GALNTL6: variants seen among roughly 807,000 people sequenced by gnomAD.
GALNTL6 encodes the protein polypeptide N-acetylgalactosaminyltransferase like 6.
In GALNTL6, 46 loss-of-function variants were observed where a neutral mutation model predicts 73.7. That is an observed-to-expected ratio of 0.62 (90% CI 0.49 to 0.80). The LOEUF is 0.80. GALNTL6 is among the 30% of genes least tolerant of loss of function. The probability of loss-of-function intolerance (pLI) is 0.00; values close to 1 mark genes in which losing one functional copy is unlikely to be tolerated. For synonymous variants in GALNTL6, 259 were observed against 263.7 expected (o/e 0.98, Z 0.17); for missense variants, 604 against 755.0 (o/e 0.80, Z 2.34).
At chr4:172,250,742 C>T (rs1737832986) in intron 3 of GALNTL6, among the ~76,000 whole-genome samples, 1 of 152,124 alleles carries the variant, frequency 6.6e-6, no homozygotes, top group Non-Finnish European at 1.5e-5. Context: ...ATAAATTACC[C>T]AGTCTCAGGT....
Position 172,029,493 on chromosome 4 carries a change from T to C in GALNTL6, c.139-200163T>C, listed in dbSNP as rs1180667976. Among the ~76,000 whole-genome samples the C allele has an allele frequency of 5.3e-5, 8 of 152,180 alleles. No homozygotes were observed. In the South Asian group the frequency reaches 1.2e-3, roughly 24 times the overall value. ...GCTACAAATTCCCTCACAATTTCATTTTCTATACTTTAAAAGTAGAATCAC... is the reference window on the plus strand; with the variant it reads ...GCTACAAATTCCCTCACAATTTCATCTTCTATACTTTAAAAGTAGAATCAC... On this transcript the variant is annotated intron_variant, in intron 2 of 12. Transcript: ENST00000506823.
intron 9 of GALNTL6, among the ~76,000 whole-genome samples, chr4:172,939,927 G>A (rs561581820): frequency 4.6e-5 from 7 of 152,024 alleles, no homozygotes; most frequent in African/African-American, 7.2e-5. Context: ...TAACCCGATG[G>A]CATCAGAATT....
chr4:172,477,066 C>T (rs1023629042), intron 5 of GALNTL6, among the ~76,000 whole-genome samples: 4 of 151,312 alleles, frequency 2.6e-5, no homozygotes, highest in Non-Finnish European at 2.9e-5. Context: ...GGACTACAGG[C>T]GCCCGCCACC....
chr4:172,763,959 T>C (rs1738256478), intron 5 of GALNTL6, among the ~76,000 whole-genome samples: 1 of 812 alleles, frequency 1.2e-3, no homozygotes, highest in South Asian at 0.014. Flanking sequence ...ACAAGGTGTA[T>C]TTTTTTTTTT....
chr4:172,059,097 G>A (rs1731115430), intron 2 of GALNTL6, among the ~76,000 whole-genome samples: 1 of 152,190 alleles, frequency 6.6e-6, no homozygotes, highest in South Asian at 2.1e-4. Flanking sequence ...GCTTGTGCAA[G>A]TAAGCAGATT....
chr4:172,959,336 T>C (rs1749922120), intron 10 of GALNTL6, among the ~76,000 whole-genome samples: 2 of 152,110 alleles, frequency 1.3e-5, no homozygotes, highest in South Asian at 4.1e-4. Context: ...TTAAAATGTC[T>C]GGACCTAATA....
intron 5 of GALNTL6, among the ~76,000 whole-genome samples, chr4:172,444,514 A>G (rs1731949627): frequency 6.6e-6 from 1 of 152,156 alleles, no homozygotes; most frequent in Non-Finnish European, 1.5e-5. Flanking sequence ...ATGTAGTTTG[A>G]AGCTATAAAA....
At chr4:172,704,330 T>C (rs1010529102) in intron 5 of GALNTL6, among the ~76,000 whole-genome samples, 7 of 152,028 alleles carry the variant, frequency 4.6e-5, no homozygotes, top group Admixed American at 3.9e-4. Flanking sequence ...CATTTCTTGC[T>C]ATAAACTTCT....
At chr4:172,364,345 A>G (rs1474144340) in intron 5 of GALNTL6, among the ~76,000 whole-genome samples, 1 of 152,102 alleles carries the variant, frequency 6.6e-6, no homozygotes, top group Non-Finnish European at 1.5e-5. Context: ...TTGAGCTTAG[A>G]ATTTTGAGGT....
chr4:172,656,907 G>A (rs1731057088), intron 5 of GALNTL6, among the ~76,000 whole-genome samples: 1 of 149,232 alleles, frequency 6.7e-6, no homozygotes, highest in Non-Finnish European at 1.5e-5. Context: ...CAATATTATT[G>A]AGTTAAATGA....
At chr4:171,892,109 T>C (rs1450228264) in intron 2 of GALNTL6, among the ~76,000 whole-genome samples, 1 of 152,208 alleles carries the variant, frequency 6.6e-6, no homozygotes, top group Non-Finnish European at 1.5e-5. Flanking sequence ...CATCAGGCTA[T>C]TTGTGTAAGG....
intron 4 of GALNTL6, among the ~76,000 whole-genome samples, chr4:172,323,427 T>C (rs1361107857): frequency 6.6e-6 from 1 of 152,144 alleles, no homozygotes; most frequent in East Asian, 1.9e-4. Flanking sequence ...ACTATGTAAA[T>C]TGGTGCTTGG....
At chr4:172,689,700 G>T (rs915842438) in intron 5 of GALNTL6, among the ~76,000 whole-genome samples, 11 of 152,076 alleles carry the variant, frequency 7.2e-5, no homozygotes, top group Admixed American at 1.3e-4. Flanking sequence ...GATGCTTCTT[G>T]CCCTGTCTCT....
At chr4:172,630,816 TA>T (rs1428242386) in intron 5 of GALNTL6, among the ~76,000 whole-genome samples, 2 of 150,110 alleles carry the variant, frequency 1.3e-5, no homozygotes, top group Non-Finnish European at 3.0e-5. Flanking sequence ...TCTAATTATA[TA>T]AAAACAAGAT....
At chr4:172,750,893 A>C (rs1357486233) in intron 5 of GALNTL6, among the ~76,000 whole-genome samples, 1 of 152,070 alleles carries the variant, frequency 6.6e-6, no homozygotes, top group Non-Finnish European at 1.5e-5. Context: ...TCTGCTGGCA[A>C]CACATTCTTT....
At chr4:172,940,446 T>C (rs1296071560) in intron 9 of GALNTL6, among the ~76,000 whole-genome samples, 4 of 151,984 alleles carry the variant, frequency 2.6e-5, no homozygotes, top group South Asian at 2.1e-4. Flanking sequence ...CACTGCAACC[T>C]CTGCCTCTGG....
intron 5 of GALNTL6, among the ~76,000 whole-genome samples, chr4:172,730,863 G>A (rs556308134): frequency 9.2e-5 from 14 of 152,052 alleles, no homozygotes; most frequent in Middle Eastern, 3.4e-3. Context: ...GGCGGATCAC[G>A]AGGTCAGGAG....
chr4:173,009,186 T>C lies in GALNTL6; in HGVS notation c.1380T>C (p.Asn460=). The stretch of plus-strand genomic sequence containing the variant: ...CTTTCTTCTTTCCACAGATCCGAAA[T>C]GTGGCAGCAAATCTCTGTGTGGACA... ...PPPAAWGEIR[N]VAANLCVDSK... is the part of the protein sequence containing the mutation. The change falls in exon 11 of 13, where the codon AAT becomes AAC. Residue 460 remains asparagine (N), a synonymous_variant. Coordinates refer to ENST00000506823, the MANE Select transcript of GALNTL6 (RefSeq NM_001034845.3). 4 of 1,612,962 alleles carry C rather than the reference T, an allele frequency of 2.5e-6. No individual in the cohort carries two copies. The highest frequency in any genetic ancestry group is 2.5e-6 in the Non-Finnish European group (3 of 1,178,928).
intron 3 of GALNTL6, among the ~76,000 whole-genome samples, chr4:172,304,372 A>T (rs1740048830): frequency 6.6e-6 from 1 of 152,024 alleles, no homozygotes; most frequent in African/African-American, 2.4e-5. Flanking sequence ...CAATGGGAAC[A>T]TTAGTCGGTT....
Sources: gnomAD v4.1 joint callset for allele counts (sites outside exome capture counted in the v4.1 genomes callset) on GRCh38, gnomAD v4.1.1 for gene constraint, MANE v1.5 for transcripts, NCBI Gene and HGNC (gene_info 2026-07-23, HGNC 2026-07-21) for gene names.